RAD54B: variants seen among roughly 807,000 people sequenced by gnomAD.
RAD54B encodes the protein RAD54 homolog B, also known as DNA repair and recombination protein RAD54B.
In RAD54B, 78 loss-of-function variants were observed where a neutral mutation model predicts 95.8. That is an observed-to-expected ratio of 0.81 (90% CI 0.68 to 0.98). RAD54B has a LOEUF of 0.98. Ranked by LOEUF, RAD54B falls within the 50% of genes least tolerant of loss-of-function variation. The pLI, the probability that RAD54B is intolerant of heterozygous loss-of-function variation, is 0.00. For synonymous variants in RAD54B, 328 were observed against 354.9 expected, an observed-to-expected ratio of 0.92 and a Z score of 0.85; for missense variants, 957 against 1,056.6, an observed-to-expected ratio of 0.91 and a Z score of 1.31.
At chr8:94,386,308 G>A (rs1402727444) in intron 11 of RAD54B, among the ~76,000 whole-genome samples, 1 of 152,104 alleles carries the variant, frequency 6.6e-6, no homozygotes, top group African/African-American at 2.4e-5. Flanking sequence ...TTGCATTATG[G>A]TACCAAGGAA....
At chr8:94,432,874 A>C (rs1239123431) in intron 3 of RAD54B, among the ~76,000 whole-genome samples, 7 of 152,138 alleles carry the variant, frequency 4.6e-5, no homozygotes, top group Admixed American at 4.6e-4. Flanking sequence ...CTTAACTTTA[A>C]AATTGTGCTT....
intron 3 of RAD54B, among the ~76,000 whole-genome samples, chr8:94,450,929 TGAAA>T (rs1375718923): frequency 7.2e-5 from 11 of 152,104 alleles, no homozygotes; most frequent in African/African-American, 2.4e-4. Context: ...TTTTTCACTA[TGAAA>T]GAAAGGGCTG....
chr8:94,470,063 A>G (rs1218330972), intron 1 of RAD54B, among the ~76,000 whole-genome samples: 1 of 152,230 alleles, frequency 6.6e-6, no homozygotes, highest in Non-Finnish European at 1.5e-5. Flanking sequence ...ATCAGCAAGG[A>G]TGAACATGAC....
intron 3 of RAD54B, among the ~76,000 whole-genome samples, chr8:94,452,258 A>G (rs569707958): frequency 1.3e-5 from 2 of 152,334 alleles, no homozygotes; most frequent in Non-Finnish European, 2.9e-5. Context: ...TGAATTTTGG[A>G]GAAACAGAAA....
chr8:94,448,768 G>A (rs1391168553), intron 3 of RAD54B, among the ~76,000 whole-genome samples: 1 of 151,922 alleles, frequency 6.6e-6, no homozygotes, highest in Non-Finnish European at 1.5e-5. Flanking sequence ...AGGTGGGTTG[G>A]TGGGGGAGGA....
intron 3 of RAD54B, among the ~76,000 whole-genome samples, chr8:94,444,382 G>A (rs969272480): frequency 6.7e-6 from 1 of 148,548 alleles, no homozygotes; most frequent in Non-Finnish European, 1.5e-5. Flanking sequence ...ACATGCATAA[G>A]GATGTTCACT....
At chr8:94,390,571 T>G (rs897712324) in intron 10 of RAD54B, among the ~76,000 whole-genome samples, 2 of 148,016 alleles carry the variant, frequency 1.4e-5, no homozygotes, top group African/African-American at 4.9e-5. Context: ...TATATATATA[T>G]AGATTATATA....
intron 6 of RAD54B, among the ~76,000 whole-genome samples, chr8:94,403,327 A>G (rs2515105): frequency 0.88 from 133,826 of 152,170 alleles, 59,736 homozygotes; most frequent in Non-Finnish European, 0.96. Flanking sequence ...AAATGCAAAA[A>G]GGAAGAAGAA....
intron 1 of RAD54B, among the ~76,000 whole-genome samples, chr8:94,473,987 G>A (rs1410170405): frequency 1.3e-5 from 2 of 152,180 alleles, no homozygotes; most frequent in Non-Finnish European, 2.9e-5. Context: ...CCCAACTGTA[G>A]ATTAAGGTAA....
chr8:94,429,985 T>C (rs1483939547), intron 3 of RAD54B: 2 of 985,388 alleles, frequency 2.0e-6, no homozygotes, highest in East Asian at 1.1e-4. Context: ...AAGCATTCAA[T>C]GGCTTCTCAT....
At chr8:94,382,753 G>A (rs947767536) in intron 11 of RAD54B, among the ~76,000 whole-genome samples, 2 of 151,960 alleles carry the variant, frequency 1.3e-5, no homozygotes, top group African/African-American at 4.8e-5. Flanking sequence ...TAGGGAGTGA[G>A]TTCTCACGAG....
Position 94,378,219 on chromosome 8 carries a change from G to C in RAD54B, c.2476C>G (p.Leu826Val), listed in dbSNP as rs934028496. ...HESSDCVTHD[L>V]LDCECTGEEV... Reference sequence around the variant, plus strand: ...TCTCCTGTACACTCACAGTCAAGCAGATCATGAGTAACACAATCTGAACTT... The same window carrying C: ...TCTCCTGTACACTCACAGTCAAGCACATCATGAGTAACACAATCTGAACTT... Residue 826 changes from leucine (L) to valine (V), a missense_variant, in exon 14 of 15, where the codon CTG becomes GTG. Physicochemically the swap from Leu to Val is conservative, Grantham distance 32. Transcript: ENST00000336148. 1 of 1,612,536 alleles carries C rather than the reference G, an allele frequency of 6.2e-7. No individual in the cohort carries two copies. The highest frequency in any genetic ancestry group is 1.3e-5 in the African/African-American group (1 of 74,976).
At chr8:94,449,033 CATACACACATGCAT>C (rs1812588865) in intron 3 of RAD54B, among the ~76,000 whole-genome samples, 1 of 134,460 alleles carries the variant, frequency 7.4e-6, no homozygotes, top group African/African-American at 2.9e-5. Context: ...CATGCATATA[CATACACACATGCAT>C]GCACACACAC....
chr8:94,463,927 AAG>A (rs914145075), intron 2 of RAD54B, among the ~76,000 whole-genome samples: 7 of 151,378 alleles, frequency 4.6e-5, no homozygotes, highest in African/African-American at 1.7e-4. Flanking sequence ...AGAAAGAAAA[AAG>A]AGAGAAACGA....
At chr8:94,448,325 T>A (rs1812569709) in intron 3 of RAD54B, among the ~76,000 whole-genome samples, 2 of 152,110 alleles carry the variant, frequency 1.3e-5, no homozygotes, top group Non-Finnish European at 2.9e-5. Context: ...AAACAGGAGA[T>A]AACAAATGTT....
At chr8:94,436,708 T>C in intron 3 of RAD54B, 1 of 1,550,716 alleles carries the variant, frequency 6.4e-7, no homozygotes, top group Non-Finnish European at 8.7e-7. Context: ...TCCAATTGCA[T>C]TATAGTTAAC....
At chr8:94,439,983 T>C (rs1347732187) in intron 3 of RAD54B, among the ~76,000 whole-genome samples, 1 of 152,204 alleles carries the variant, frequency 6.6e-6, no homozygotes, top group Non-Finnish European at 1.5e-5. Context: ...CTATAGAATG[T>C]GGATTTTTCC....
chr8:94,430,787 C>G, intron 3 of RAD54B: 1 of 985,286 alleles, frequency 1.0e-6, no homozygotes, highest in Middle Eastern at 5.2e-4. Flanking sequence ...CTGGTTTATC[C>G]CCGCATGTGA....
chr8:94,448,341 G>C (rs1812570153), intron 3 of RAD54B, among the ~76,000 whole-genome samples: 1 of 152,140 alleles, frequency 6.6e-6, no homozygotes, highest in African/African-American at 2.4e-5. Flanking sequence ...ATGTTGGCAA[G>C]GGTGTGGAGA....
Sources: allele counts gnomAD v4.1 joint callset (sites outside exome capture counted in the v4.1 genomes callset), GRCh38; gene constraint gnomAD v4.1.1; transcripts MANE v1.5; gene names NCBI Gene and HGNC (gene_info 2026-07-23, HGNC 2026-07-21).